PDE8B: variants seen among roughly 807,000 people sequenced by gnomAD.
PDE8B encodes phosphodiesterase 8B, also known as high affinity cAMP-specific and IBMX-insensitive 3',5'-cyclic phosphodiesterase 8B.
A neutral mutation model predicts 101.3 loss-of-function variants in PDE8B; 26 were observed. The ratio of observed to expected loss-of-function variants is 0.26; its 90% CI spans 0.19 to 0.36. PDE8B has a LOEUF of 0.36. Ranked by LOEUF, PDE8B falls within the 10% of genes least tolerant of loss-of-function variation. PDE8B has a pLI of 1.00. For missense variants in PDE8B, 810 were observed against 1,163.1 expected (o/e 0.70, Z 4.42); for synonymous variants, 424 against 429.3 (o/e 0.99, Z 0.15).
intron 17 of PDE8B, among the ~76,000 whole-genome samples, chr5:77,413,899 C>G (rs1795032334): frequency 6.6e-6 from 1 of 152,174 alleles, no homozygotes; most frequent in Non-Finnish European, 1.5e-5. Context: ...ACCCCTTGCC[C>G]TTTACATAAG....
chr5:77,335,745 C>A (rs373564384), intron 5 of PDE8B, among the ~76,000 whole-genome samples: 8 of 152,150 alleles, frequency 5.3e-5, no homozygotes, highest in African/African-American at 1.9e-4. Flanking sequence ...TTCTGCTTAT[C>A]TTTCTACTTA....
At chr5:77,245,859 C>CCG (rs1756819665) in intron 1 of PDE8B, among the ~76,000 whole-genome samples, 1 of 92,372 alleles carries the variant, frequency 1.1e-5, no homozygotes, top group Non-Finnish European at 2.0e-5. Flanking sequence ...GCCCCCCCCC[C>CCG]CCAACTTTTT....
intron 1 of PDE8B, among the ~76,000 whole-genome samples, chr5:77,255,251 T>C (rs1758867220): frequency 6.6e-6 from 1 of 152,072 alleles, no homozygotes. Context: ...TGGAAAGGTT[T>C]CTGCTGCTTT....
At chr5:77,309,979 TGC>T (rs1561506623) in intron 1 of PDE8B, among the ~76,000 whole-genome samples, 16 of 122,982 alleles carry the variant, frequency 1.3e-4, no homozygotes, top group South Asian at 2.9e-4. Flanking sequence ...GATGGAGTTT[TGC>T]TCTTGTTGCC....
chr5:77,200,887 G>A, the PDE8B span, among the ~76,000 whole-genome samples: 18 of 152,322 alleles, frequency 1.2e-4, no homozygotes, highest in Admixed American at 7.2e-4. Flanking sequence ...AGTGACTGTT[G>A]CCTTGGAGAT....
chr5:77,174,648 T>A, the PDE8B span, among the ~76,000 whole-genome samples: 1 of 152,172 alleles, frequency 6.6e-6, no homozygotes, highest in African/African-American at 2.4e-5. Context: ...GAGCAGGTTT[T>A]CCTCCTATCG....
chr5:77,377,012 T>G (rs1255505024), intron 10 of PDE8B, among the ~76,000 whole-genome samples: 1 of 152,096 alleles, frequency 6.6e-6, no homozygotes, highest in Non-Finnish European at 1.5e-5. Context: ...ACAAGAAACT[T>G]TAAACAAAAT....
At chr5:77,159,509 C>T in the PDE8B span, among the ~76,000 whole-genome samples, 4 of 152,168 alleles carry the variant, frequency 2.6e-5, no homozygotes, top group Admixed American at 2.6e-4. Flanking sequence ...GACTGGCTCT[C>T]CCTACTCATT....
Position 77,427,919 on chromosome 5 carries a change from C to T in PDE8B, c.*1365C>T, listed in dbSNP as rs141517393. ...TAATTGAATCAGTAATTACTTTTTT[C>T]CAATACAAATTGGAATGCAGAATAC... On this transcript the variant is annotated 3_prime_UTR_variant, in exon 22 of 22. Coordinates refer to ENST00000264917, the MANE Select transcript of PDE8B (RefSeq NM_003719.5). 17 of 152,022 alleles carry T rather than the reference C, an allele frequency of 1.1e-4. No individual in the cohort carries two copies. Among genetic ancestry groups the T allele is most frequent in the Non-Finnish European group, 2.1e-4 (14 of 68,010 alleles). 9.4% of individuals were successfully genotyped at this position (152,022 alleles called of 1,614,324 possible). A position where few individuals can be genotyped will look rare whatever the true frequency, so the allele number is the denominator to read the frequency against.
the PDE8B span, among the ~76,000 whole-genome samples, chr5:77,197,817 A>G: frequency 6.6e-6 from 1 of 151,152 alleles, no homozygotes; most frequent in Non-Finnish European, 1.5e-5. Context: ...CAGAACTTGT[A>G]TTTTTCATTT....
the PDE8B span, among the ~76,000 whole-genome samples, chr5:77,164,112 G>A: frequency 6.6e-6 from 1 of 152,220 alleles, no homozygotes; most frequent in African/African-American, 2.4e-5. Context: ...AAGAGCACAG[G>A]GGTTGACTTG....
intron 10 of PDE8B, among the ~76,000 whole-genome samples, chr5:77,388,807 C>A (rs538136862): frequency 6.6e-6 from 1 of 152,132 alleles, no homozygotes; most frequent in Non-Finnish European, 1.5e-5. Context: ...CTGGCCACAG[C>A]GGCCTTACTG....
chr5:77,145,824 G>A, the PDE8B span: 1 of 152,156 alleles, frequency 6.6e-6, no homozygotes, highest in Non-Finnish European at 1.5e-5. Flanking sequence ...CTGGCAGGAA[G>A]CAGAATGATA....
At chr5:77,126,082 C>T in the PDE8B span, among the ~76,000 whole-genome samples, 8 of 152,054 alleles carry the variant, frequency 5.3e-5, no homozygotes, top group Non-Finnish European at 7.4e-5. Flanking sequence ...GTCAGGAGAT[C>T]GAGACCATCC....
chr5:77,405,745 C>T (rs1174012018), intron 12 of PDE8B, among the ~76,000 whole-genome samples: 1 of 152,078 alleles, frequency 6.6e-6, no homozygotes, highest in Admixed American at 6.5e-5. Flanking sequence ...TTGAGAAAGG[C>T]GGTGGCCAGC....
chr5:77,276,281 C>T (rs555739045), intron 1 of PDE8B, among the ~76,000 whole-genome samples: 11 of 152,304 alleles, frequency 7.2e-5, no homozygotes, highest in South Asian at 2.1e-4. Flanking sequence ...GGGTTGCTGA[C>T]GCTCTTCTCT....
chr5:77,421,714 A>C (rs1796683727), intron 19 of PDE8B, 107 bp from the exon 20 acceptor site: 1 of 1,016,794 alleles, frequency 9.8e-7, no homozygotes, highest in Non-Finnish European at 1.5e-6. Flanking sequence ...GCCGAGTCCC[A>C]GTCCTACCTG....
chr5:77,197,551 G>T, the PDE8B span, among the ~76,000 whole-genome samples: 1 of 151,220 alleles, frequency 6.6e-6, no homozygotes, highest in Admixed American at 6.6e-5. Flanking sequence ...AGTTTCTTAA[G>T]GTAGAATCTT....
intron 1 of PDE8B, among the ~76,000 whole-genome samples, chr5:77,256,986 A>C (rs928071999): frequency 2.6e-5 from 4 of 152,190 alleles, no homozygotes; most frequent in African/African-American, 7.2e-5. Context: ...GCATTTTTCC[A>C]GGTGCTAGGG....
Sources: allele counts gnomAD v4.1 joint callset (sites outside exome capture counted in the v4.1 genomes callset), GRCh38; gene constraint gnomAD v4.1.1; transcripts MANE v1.5; gene names NCBI Gene and HGNC (gene_info 2026-07-23, HGNC 2026-07-21).